Variants in CENPW observed in about 807,000 individuals in gnomAD.
CENPW encodes the protein centromere protein W, also known as cancer-up-regulated gene 2 protein.
In CENPW, 3 loss-of-function variants were observed where a neutral mutation model predicts 11.1. The observed-to-expected ratio is 0.27, with a 90% confidence interval of 0.12 to 0.70. The LOEUF (loss-of-function observed/expected upper bound fraction) is 0.70. CENPW is among the 30% of genes least tolerant of loss of function. The pLI, the probability that CENPW is intolerant of heterozygous loss-of-function variation, is 0.77. For missense variants in CENPW, 100 were observed against 105.6 expected (o/e 0.95, Z 0.23); for synonymous variants, 38 against 42.0 (o/e 0.91, Z 0.37).
the CENPW span, among the ~76,000 whole-genome samples, chr6:126,399,734 A>G: frequency 2.0e-5 from 3 of 152,062 alleles, no homozygotes; most frequent in Non-Finnish European, 4.4e-5. Flanking sequence ...CTTAAATATC[A>G]GTGGACAGCT....
At chr6:126,382,285 A>G in the CENPW span, among the ~76,000 whole-genome samples, 1 of 152,034 alleles carries the variant, frequency 6.6e-6, no homozygotes, top group Non-Finnish European at 1.5e-5. Context: ...TGGGATTAAA[A>G]AATATCTAAA....
At chr6:126,412,993 C>T in the CENPW span, among the ~76,000 whole-genome samples, 1 of 152,092 alleles carries the variant, frequency 6.6e-6, no homozygotes, top group South Asian at 2.1e-4. Flanking sequence ...TATTTCTTCA[C>T]TTGCTGTATA....
At chr6:126,368,477 T>G in the CENPW span, among the ~76,000 whole-genome samples, 1 of 152,010 alleles carries the variant, frequency 6.6e-6, no homozygotes. Flanking sequence ...AACTTTAATG[T>G]ATTGGATTGG....
At chr6:126,344,581 A>T (rs1296825755) in intron 1 of CENPW, among the ~76,000 whole-genome samples, 2 of 152,232 alleles carry the variant, frequency 1.3e-5, no homozygotes, top group Non-Finnish European at 2.9e-5. Flanking sequence ...AGTTTAAAAA[A>T]TAATTGGCAC....
chr6:126,388,307 C>T, the CENPW span, among the ~76,000 whole-genome samples: 1,278 of 152,038 alleles, frequency 8.4e-3, 15 homozygotes, highest in African/African-American at 0.03. Flanking sequence ...TGGCCGTGCT[C>T]TTGTAATCTG....
At chr6:126,377,746 AG>A in the CENPW span, among the ~76,000 whole-genome samples, 1 of 152,258 alleles carries the variant, frequency 6.6e-6, no homozygotes, top group African/African-American at 2.4e-5. Flanking sequence ...AATATCACAA[AG>A]TCTCTTCCAA....
chr6:126,340,649 A>G (rs1215369380), intron 1 of CENPW, among the ~76,000 whole-genome samples: 1 of 152,240 alleles, frequency 6.6e-6, no homozygotes, highest in Admixed American at 6.5e-5. Context: ...TGTTAGTCAC[A>G]TGAGCTTAAC....
the CENPW span, among the ~76,000 whole-genome samples, chr6:126,430,271 G>A: frequency 6.6e-6 from 1 of 152,104 alleles, no homozygotes; most frequent in Non-Finnish European, 1.5e-5. Context: ...AGTGATGAAG[G>A]GAAATATAAG....
chr6:126,393,155 T>C, the CENPW span, among the ~76,000 whole-genome samples: 1 of 151,992 alleles, frequency 6.6e-6, no homozygotes, highest in Non-Finnish European at 1.5e-5. Flanking sequence ...TTTTCAACTC[T>C]GGTTTTATTT....
chr6:126,345,839 T>C (rs1780398547), intron 1 of CENPW, among the ~76,000 whole-genome samples: 1 of 152,218 alleles, frequency 6.6e-6, no homozygotes, highest in African/African-American at 2.4e-5. Context: ...TATGTTTTGA[T>C]TTAAAATTTT....
At chr6:126,449,103 A>G in the CENPW span, among the ~76,000 whole-genome samples, 1 of 151,100 alleles carries the variant, frequency 6.6e-6, no homozygotes, top group African/African-American at 2.4e-5. Context: ...TGTATGTAAA[A>G]AAACAAACCT....
chr6:126,351,846 A>G (rs1337407646), downstream of CENPW, among the ~76,000 whole-genome samples: 1 of 151,880 alleles, frequency 6.6e-6, no homozygotes, highest in African/African-American at 2.4e-5. Context: ...TAAGATGGAT[A>G]TTTAGTTCTT....
At chr6:126,456,561 C>T in the CENPW span, among the ~76,000 whole-genome samples, 2 of 151,028 alleles carry the variant, frequency 1.3e-5, no homozygotes, top group South Asian at 2.1e-4. Flanking sequence ...TCTTGTGATA[C>T]ATTAAATATT....
chr6:126,353,503 T>C (rs1191027882), downstream of CENPW, among the ~76,000 whole-genome samples: 1 of 152,076 alleles, frequency 6.6e-6, no homozygotes. Flanking sequence ...AAGGTTTTTC[T>C]TTCTGGTTTT....
intron 2 of CENPW, among the ~76,000 whole-genome samples, chr6:126,347,550 A>G: frequency 6.6e-6 from 1 of 152,106 alleles, no homozygotes; most frequent in East Asian, 1.9e-4. Flanking sequence ...ATCTTGTAGG[A>G]CAGAGAAGTA....
At chr6:126,349,171 CTTT>C (rs979198910), downstream of CENPW, among the ~76,000 whole-genome samples, 1 of 151,936 alleles carries the variant, frequency 6.6e-6, no homozygotes, top group African/African-American at 2.4e-5. Context: ...TTACTTTTAA[CTTT>C]TTATTTAGAA....
At chr6:126,452,535 G>A in the CENPW span, among the ~76,000 whole-genome samples, 1 of 151,000 alleles carries the variant, frequency 6.6e-6, no homozygotes, top group South Asian at 2.1e-4. Context: ...AAAGATGACA[G>A]ATGAGAGTAA....
the CENPW span, among the ~76,000 whole-genome samples, chr6:126,389,688 T>C: frequency 2.0e-5 from 3 of 151,158 alleles, no homozygotes; most frequent in Non-Finnish European, 4.4e-5. Flanking sequence ...GCCTTCCTCA[T>C]GGGGTAGAAA....
the CENPW span, among the ~76,000 whole-genome samples, chr6:126,468,420 CAAAAAAA>C: frequency 5.6e-5 from 3 of 53,534 alleles, no homozygotes; most frequent in Non-Finnish European, 9.5e-5. Flanking sequence ...AACTCTGTCT[CAAAAAAA>C]AAAAAAAAAA....
Sources: allele counts gnomAD v4.1 joint callset (sites outside exome capture counted in the v4.1 genomes callset), GRCh38; gene constraint gnomAD v4.1.1; transcripts MANE v1.5; gene names NCBI Gene and HGNC (gene_info 2026-07-23, HGNC 2026-07-21).